Variants in EPB41L5 observed in about 807,000 individuals in gnomAD.
EPB41L5 encodes the protein band 4.1-like protein 5.
A neutral mutation model predicts 106.6 loss-of-function variants in EPB41L5; 55 were observed. That is an observed-to-expected ratio of 0.52 (90% confidence interval 0.42 to 0.65). The LOEUF is 0.65. EPB41L5 is among the 30% of genes least tolerant of loss of function. The probability of loss-of-function intolerance (pLI) is 0.00; values close to 1 mark genes in which losing one functional copy is unlikely to be tolerated. For missense variants in EPB41L5, 871 were observed against 882.1 expected (o/e 0.99, Z 0.16); for synonymous variants, 297 against 306.7 (o/e 0.97, Z 0.33).
In EPB41L5 at chr2:120,105,871, G is replaced by T. The variant is rs1306527797; in HGVS notation, c.1337+5057G>T. 3.0e-6 allele frequency: 3 copies of T among 984,938 alleles called. No homozygotes were observed. The African/African-American group carries it at 5.3e-5, about 17-fold the overall frequency. 61.0% of individuals were successfully genotyped at this position (984,938 alleles called of 1,614,324 possible). A position where few individuals can be genotyped will look rare whatever the true frequency, so the allele number is the denominator to read the frequency against. On this transcript the variant is annotated intron_variant, in intron 16 of 24. Transcript: ENST00000263713. ...TAACATTTTAAGCACAGAAGCTCTG[G>T]GTTGTGCCATTCAAGAAAAGGTTTC...
intron 20 of EPB41L5, among the ~76,000 whole-genome samples, chr2:120,160,174 T>G (rs569772876): frequency 1.3e-4 from 20 of 152,156 alleles, no homozygotes; most frequent in Non-Finnish European, 2.2e-4. Flanking sequence ...ATGATACAAG[T>G]TTACCTGTAT....
chr2:120,087,515 C>T (rs1683137488), intron 11 of EPB41L5, among the ~76,000 whole-genome samples: 1 of 152,102 alleles, frequency 6.6e-6, no homozygotes. Flanking sequence ...AGTGAGCCAG[C>T]CAGTCACCCA....
intron 2 of EPB41L5, among the ~76,000 whole-genome samples, chr2:120,034,128 C>T (rs1678894063): frequency 1.3e-5 from 2 of 152,142 alleles, no homozygotes; most frequent in Admixed American, 1.3e-4. Flanking sequence ...ACTTCAGGAA[C>T]CTATAAATGT....
At chr2:120,060,051 C>T (rs1680929012) in intron 3 of EPB41L5, among the ~76,000 whole-genome samples, 1 of 152,182 alleles carries the variant, frequency 6.6e-6, no homozygotes, top group Non-Finnish European at 1.5e-5. Flanking sequence ...ATTAAGACCT[C>T]AGTGAGATGT....
At chr2:120,130,861 C>T (rs369977002) in intron 17 of EPB41L5, among the ~76,000 whole-genome samples, 1 of 152,112 alleles carries the variant, frequency 6.6e-6, no homozygotes, top group South Asian at 2.1e-4. Flanking sequence ...CAAAGTTTCC[C>T]CCTCTTTTCT....
At chr2:120,095,475 C>CT in intron 14 of EPB41L5, among the ~76,000 whole-genome samples, 1 of 150,800 alleles carries the variant, frequency 6.6e-6, no homozygotes, top group Admixed American at 6.6e-5. Context: ...CTACAGGTCT[C>CT]TGAGTCTGTT....
chr2:120,026,166 A>G (rs1157253342), intron 2 of EPB41L5, among the ~76,000 whole-genome samples: 2 of 152,164 alleles, frequency 1.3e-5, no homozygotes, highest in Non-Finnish European at 2.9e-5. Flanking sequence ...AAATCCTTAG[A>G]AAAAAATAGG....
chr2:120,077,129 A>T (rs780114709), intron 8 of EPB41L5, 38 bp downstream of exon 8: 6 of 1,599,906 alleles, frequency 3.8e-6, no homozygotes, highest in Non-Finnish European at 3.4e-6. Flanking sequence ...TAAAATCACC[A>T]CAACAGTTAT....
chr2:120,019,009 G>A (rs1677736559), intron 1 of EPB41L5, 68 bp from the exon 2 acceptor site: 1 of 1,348,124 alleles, frequency 7.4e-7, no homozygotes, highest in Non-Finnish European at 1.0e-6. Context: ...AATGCCATTT[G>A]ACTGACTGCA....
Position 120,167,941 on chromosome 2 carries a change from A to G in EPB41L5, c.2069A>G (p.His690Arg), listed in dbSNP as rs143558813. 6.2e-7 allele frequency: 1 copy of G among 1,614,134 alleles called. No individual in the cohort carries two copies. Residue 690 changes from histidine to arginine, a missense_variant, in exon 24 of 25, where the codon CAT (histidine) becomes CGT (arginine). His to Arg is a conservative substitution (Grantham distance 29). Transcript: ENST00000263713. ...ATGCTTTTGACAGGGAAGGAGGGAC[A>G]TGGTAATAAAGATGGAATCTCACTG... ...CEMLLTGKEGHGNKDGISLIS... is the reference protein window; with the variant it reads ...CEMLLTGKEGRGNKDGISLIS...
chr2:120,115,949 A>AT (rs1396575354), intron 16 of EPB41L5, among the ~76,000 whole-genome samples: 1 of 151,976 alleles, frequency 6.6e-6, no homozygotes, highest in Admixed American at 6.6e-5. Flanking sequence ...AGCTGGGATT[A>AT]TAGGAATGCA....
intron 3 of EPB41L5, 81 bp from the exon 4 acceptor site, chr2:120,073,097 A>G (rs1681988581): frequency 2.3e-6 from 3 of 1,281,598 alleles, no homozygotes; most frequent in African/African-American, 3.0e-5. Context: ...TGTAGGCACA[A>G]TGAAAAGTAA....
At chr2:120,023,525 C>G (rs1388961344) in intron 2 of EPB41L5, among the ~76,000 whole-genome samples, 5 of 152,106 alleles carry the variant, frequency 3.3e-5, no homozygotes, top group Non-Finnish European at 5.9e-5. Flanking sequence ...GGCCTCTGTT[C>G]TTTTCCATTG....
intron 20 of EPB41L5, among the ~76,000 whole-genome samples, chr2:120,160,053 T>C (rs1009275905): frequency 1.3e-5 from 2 of 152,036 alleles, no homozygotes; most frequent in African/African-American, 2.4e-5. Flanking sequence ...AAACAGACAG[T>C]GGAGCCTGTT....
At chr2:120,163,329 A>G (rs555370667) in intron 21 of EPB41L5, among the ~76,000 whole-genome samples, 201 of 138,222 alleles carry the variant, frequency 1.5e-3, no homozygotes, top group African/African-American at 5.3e-3. Context: ...GCTATGCCCT[A>G]GGTTCCTATT....
chr2:120,107,473 G>A (rs1161095265), intron 16 of EPB41L5, among the ~76,000 whole-genome samples: 2 of 152,042 alleles, frequency 1.3e-5, no homozygotes, highest in Admixed American at 6.6e-5. Context: ...CACATCATCA[G>A]TTATATCTTG....
In EPB41L5 at chr2:120,175,968, A is replaced by T. The variant is rs1052371636; in HGVS notation, c.*1061A>T. The T allele has an allele frequency of 1.3e-5, 2 of 152,434 alleles. No homozygotes were observed. The highest frequency in any genetic ancestry group is 4.8e-5 in the African/African-American group (2 of 41,466). 9.4% of individuals were successfully genotyped at this position (152,434 alleles called of 1,614,324 possible). ...ACCTACCATGTATGAAGCTATACAC[A>T]GCATATACCGAAAGAACCTGCATTG... On this transcript the variant is annotated 3_prime_UTR_variant, in exon 25 of 25. Coordinates refer to ENST00000263713, the MANE Select transcript of EPB41L5 (RefSeq NM_020909.4).
At chr2:120,032,672 T>C (rs1678793348) in intron 2 of EPB41L5, among the ~76,000 whole-genome samples, 1 of 152,220 alleles carries the variant, frequency 6.6e-6, no homozygotes, top group South Asian at 2.1e-4. Flanking sequence ...ATTTTGTTTT[T>C]ATCTAGGTTA....
chr2:120,025,345 C>CT (rs1678231685), intron 2 of EPB41L5, among the ~76,000 whole-genome samples: 1 of 152,048 alleles, frequency 6.6e-6, no homozygotes, highest in Admixed American at 6.6e-5. Flanking sequence ...GTGATATCCT[C>CT]TTTATTATTT....
Sources: allele counts gnomAD v4.1 joint callset (sites outside exome capture counted in the v4.1 genomes callset), GRCh38; gene constraint gnomAD v4.1.1; transcripts MANE v1.5; gene names NCBI Gene and HGNC (gene_info 2026-07-23, HGNC 2026-07-21).